Variants in CMC2 observed in about 807,000 individuals in gnomAD.
The protein encoded by CMC2 is COX assembly mitochondrial protein 2 homolog.
CMC2 carries 5 observed loss-of-function variants against 7.5 expected under a neutral mutation model. The ratio of observed to expected loss-of-function variants is 0.66; its 90% CI spans 0.35 to 1.40. The LOEUF (loss-of-function observed/expected upper bound fraction) is 1.40. Ranked by LOEUF, CMC2 falls within the 40% of genes most tolerant of loss-of-function variation. The pLI, the probability that CMC2 is intolerant of heterozygous loss-of-function variation, is 0.04. For missense variants in CMC2, 115 were observed against 92.3 expected, an observed-to-expected ratio of 1.25 and a Z score of -1.01; for synonymous variants, 37 against 31.4, an observed-to-expected ratio of 1.18 and a Z score of -0.60.
At chr16:80,995,100 T>C (rs1249904975) in intron 2 of CMC2, among the ~76,000 whole-genome samples, 3 of 150,926 alleles carry the variant, frequency 2.0e-5, no homozygotes, top group Non-Finnish European at 4.4e-5. Context: ...GAGCCAAGAT[T>C]GGGCCCCTGC....
chr16:80,999,572 A>C (rs572878634), intron 1 of CMC2, among the ~76,000 whole-genome samples: 1 of 152,228 alleles, frequency 6.6e-6, no homozygotes, highest in East Asian at 1.9e-4. Context: ...CTATCCAAAA[A>C]TTCATATGGA....
intron 2 of CMC2, chr16:80,991,872 G>T (rs1268063178): frequency 6.7e-6 from 3 of 450,284 alleles, no homozygotes; most frequent in Non-Finnish European, 1.3e-5. Flanking sequence ...ACCTTTTCGG[G>T]TCATCAAAAA....
At chr16:80,978,406 C>CA (rs1387972868) in intron 3 of CMC2, 1 of 1,241,446 alleles carries the variant, frequency 8.1e-7, no homozygotes, top group Non-Finnish European at 1.0e-6. Flanking sequence ...AAAGGAAGTC[C>CA]AGATGGTCCC....
chr16:80,981,158 T>A (rs1473153189), intron 3 of CMC2, among the ~76,000 whole-genome samples: 2 of 151,646 alleles, frequency 1.3e-5, no homozygotes, highest in Non-Finnish European at 2.9e-5. Flanking sequence ...TTTTAAAAGT[T>A]CTGGACACAA....
intron 3 of CMC2, among the ~76,000 whole-genome samples, chr16:80,978,771 A>T (rs1428573567): frequency 1.3e-5 from 2 of 152,016 alleles, no homozygotes; most frequent in African/African-American, 4.8e-5. Flanking sequence ...AAATGGCCAT[A>T]CCCTTTTTCT....
rs1251270530 is a variant in CMC2, at chr16:80,969,815, A to T, written c.*6278T>A. ...TGAGGCACAAGAATCACTTGAACCC[A>T]GGCAGCAAGGTTGCAGGGAGCCAAG... is the stretch of plus-strand genomic sequence containing the variant. On this transcript the variant is annotated 3_prime_UTR_variant, in exon 4 of 4. Coordinates refer to ENST00000219400, the MANE Select transcript of CMC2 (RefSeq NM_020188.5). 7.5e-6 allele frequency: 1 copy of T among 133,946 alleles called. No individual in the cohort carries two copies. The highest frequency in any genetic ancestry group is 1.5e-5 in the Non-Finnish European group (1 of 65,818). 8.3% of individuals were successfully genotyped at this position (133,946 alleles called of 1,614,324 possible).
In CMC2 at chr16:80,975,180, G is replaced by C. The variant is rs904284746; in HGVS notation, c.*913C>G. 1.2e-4 allele frequency: 18 copies of C among 152,270 alleles called. No individual in the cohort carries two copies. 9.4% of individuals were successfully genotyped at this position (152,270 alleles called of 1,614,324 possible). A position where few individuals can be genotyped will look rare whatever the true frequency, so the allele number is the denominator to read the frequency against. On this transcript the variant is annotated 3_prime_UTR_variant, in exon 4 of 4. Transcript: ENST00000219400. ...GAAGAACAGTCCTATACTCAGCAGA[G>C]AGGAGACACACTGGCCTAAGGTTAA...
At chr16:80,984,902 T>C (rs1313995426) in intron 2 of CMC2, among the ~76,000 whole-genome samples, 3 of 152,204 alleles carry the variant, frequency 2.0e-5, no homozygotes, top group Admixed American at 6.5e-5. Context: ...CCCAGAGAAA[T>C]TGGTAGAAGA....
chr16:80,971,579 TATATATGTATGAAATCATGC>T lies in CMC2; in HGVS notation c.*4494_*4513del, dbSNP rs991935212. 30 of 140,738 alleles carry T rather than the reference TATATATGTATGAAATCATGC, an allele frequency of 2.1e-4. 1 individual carries two copies. The highest frequency in any genetic ancestry group is 5.0e-4 in the African/African-American group (18 of 35,726). The allele number at this position is 140,738 out of a possible 1,614,324, so 8.7% of individuals were successfully genotyped here. On this transcript the variant is annotated 3_prime_UTR_variant, in exon 4 of 4. Transcript: ENST00000219400. ...TACATACATTTTATATATATATATATATATATGTATGAAATCATGCATATATATATATGTATGAAATCATG... is the reference window on the plus strand; with the variant it reads ...TACATACATTTTATATATATATATATATATATATATATGTATGAAATCATG...
chr16:80,988,627 T>C (rs2549833), intron 2 of CMC2: 503,359 of 699,818 alleles, frequency 0.72, 185,699 homozygotes, highest in South Asian at 0.8. Flanking sequence ...AATTTAAGTC[T>C]CCATACGATT....
Position 80,992,639 on chromosome 16 carries a change from T to C in CMC2, c.81+4675A>G, listed in dbSNP as rs544959551. Reference sequence around the variant, plus strand: ...TGTTTAAAGGCCATCTTTTCTTTTTTTTTTAAATTGTCTCTCATGCTTTTG... The same window carrying C: ...TGTTTAAAGGCCATCTTTTCTTTTTCTTTTAAATTGTCTCTCATGCTTTTG... On this transcript the variant is annotated intron_variant, in intron 2 of 3. Transcript: ENST00000219400. Among the ~76,000 whole-genome samples, 5 of 152,254 alleles carry C rather than the reference T, an allele frequency of 3.3e-5. No homozygotes were observed. The East Asian group carries it at 9.6e-4, about 29-fold the overall frequency.
intron 1 of CMC2, among the ~76,000 whole-genome samples, chr16:81,001,742 C>A (rs932021427): frequency 6.6e-6 from 1 of 152,068 alleles, no homozygotes; most frequent in Non-Finnish European, 1.5e-5. Context: ...AAACAAAAAA[C>A]TGTCTGAACA....
rs140123057 is a variant in CMC2 at position 80,996,912 on chromosome 16, G to A, written c.81+402C>T. 1.0e-3 allele frequency: 354 copies of A among 352,870 alleles called. 3 individuals are homozygous for A. Among genetic ancestry groups the A allele is most frequent in the African/African-American group, 6.7e-3 (314 of 46,786 alleles). 21.9% of individuals were successfully genotyped at this position (352,870 alleles called of 1,614,324 possible). On this transcript the variant is annotated intron_variant, in intron 2 of 3. Coordinates refer to ENST00000219400, the MANE Select transcript of CMC2 (RefSeq NM_020188.5). ...TAGTTAATGTCTAATTATATAACACGTTTCTATTACCATTAAACACAGAAT... is the reference window on the plus strand; with the variant it reads ...TAGTTAATGTCTAATTATATAACACATTTCTATTACCATTAAACACAGAAT...
intron 3 of CMC2, among the ~76,000 whole-genome samples, chr16:80,979,450 A>G (rs1157533834): frequency 6.6e-6 from 1 of 152,170 alleles, no homozygotes; most frequent in African/African-American, 2.4e-5. Flanking sequence ...GATCTAATTG[A>G]CAAAGCAGTG....
rs1248772265 is a variant in CMC2, at chr16:80,971,017, C to G, written c.*5076G>C. On this transcript the variant is annotated 3_prime_UTR_variant, in exon 4 of 4. Coordinates refer to ENST00000219400, the MANE Select transcript of CMC2 (RefSeq NM_020188.5). ...GGGCATGGTGGCACATGCCTGTAGT[C>G]CCAGCCACTCAGGAGGCTAAGGCAC... 1.3e-5 allele frequency: 2 copies of G among 152,124 alleles called. No individual in the cohort carries two copies. Among genetic ancestry groups the G allele is most frequent in the East Asian group, 3.9e-4 (2 of 5,186 alleles). 9.4% of individuals were successfully genotyped at this position (152,124 alleles called of 1,614,324 possible).
At chr16:80,979,436 T>C (rs184172648) in intron 3 of CMC2, among the ~76,000 whole-genome samples, 108 of 152,116 alleles carry the variant, frequency 7.1e-4, no homozygotes, top group Middle Eastern at 3.4e-3. Context: ...CAATTTCATA[T>C]GAAGATCTAA....
chr16:80,990,373 T>G (rs1341720313), intron 2 of CMC2, among the ~76,000 whole-genome samples: 1 of 152,178 alleles, frequency 6.6e-6, no homozygotes, highest in Admixed American at 6.5e-5. Flanking sequence ...TTTTGTGATG[T>G]TGGCCAGGCT....
chr16:80,987,106 A>C (rs1443848870), intron 2 of CMC2, among the ~76,000 whole-genome samples: 1 of 152,228 alleles, frequency 6.6e-6, no homozygotes, highest in Admixed American at 6.5e-5. Flanking sequence ...TGCAGTCATT[A>C]GTGATCTTGA....
At chr16:81,004,617 A>G (rs112375586) in intron 1 of CMC2, among the ~76,000 whole-genome samples, 1,547 of 152,276 alleles carry the variant, frequency 0.01, 24 homozygotes, top group African/African-American at 0.035. Flanking sequence ...CAGCTGTCAA[A>G]TGTGTTTTGA....
Sources: allele counts gnomAD v4.1 joint callset (sites outside exome capture counted in the v4.1 genomes callset), GRCh38; gene constraint gnomAD v4.1.1; transcripts MANE v1.5; gene names NCBI Gene and HGNC (gene_info 2026-07-23, HGNC 2026-07-21).